The following FAM177A1 variants were observed in gnomAD, a reference collection of about 807,000 sequenced individuals.
FAM177A1 encodes family with sequence similarity 177 member A1, also known as protein FAM177A1.
In FAM177A1, 22 loss-of-function variants were observed where a neutral mutation model predicts 26.1. That is an observed-to-expected ratio of 0.84 (90% CI 0.60 to 1.20). The LOEUF is 1.20. FAM177A1 is among the 50% of genes most tolerant of loss of function. FAM177A1 has a pLI of 0.00. For synonymous variants in FAM177A1, 95 were observed against 99.3 expected (o/e 0.96, Z 0.26); for missense variants, 296 against 291.1 (o/e 1.02, Z -0.12).
intron 2 of FAM177A1, among the ~76,000 whole-genome samples, chr14:35,076,292 A>T (rs1430895694): frequency 3.3e-5 from 5 of 152,094 alleles, no homozygotes; most frequent in Non-Finnish European, 5.9e-5. Flanking sequence ...GTCCTTTGTA[A>T]GGACATGGAT....
At chr14:35,045,149 G>A (rs1414708260), upstream of FAM177A1, 1 of 152,042 alleles carries the variant, frequency 6.6e-6, no homozygotes, top group Non-Finnish European at 1.5e-5. Flanking sequence ...TGCTGTTTTG[G>A]ACTGTCTCAA....
At chr14:35,053,045 T>C (rs2044999618) in intron 1 of FAM177A1, among the ~76,000 whole-genome samples, 1 of 152,240 alleles carries the variant, frequency 6.6e-6, no homozygotes, top group African/African-American at 2.4e-5. Flanking sequence ...GATACAATGC[T>C]GATAATCTGC....
intron 2 of FAM177A1, among the ~76,000 whole-genome samples, chr14:35,074,423 T>G (rs979723144): frequency 2.6e-5 from 4 of 152,138 alleles, no homozygotes; most frequent in African/African-American, 9.7e-5. Flanking sequence ...CCTCCCAGAT[T>G]CAAGCGATTC....
At chr14:35,060,743 C>A (rs2045138699) in intron 2 of FAM177A1, among the ~76,000 whole-genome samples, 1 of 152,164 alleles carries the variant, frequency 6.6e-6, no homozygotes, top group South Asian at 2.1e-4. Flanking sequence ...CTCCCAGTTA[C>A]AGTAGTCCCC....
At chr14:35,047,467 G>A (rs2044886784) in intron 1 of FAM177A1, among the ~76,000 whole-genome samples, 1 of 152,150 alleles carries the variant, frequency 6.6e-6, no homozygotes, top group Non-Finnish European at 1.5e-5. Context: ...GAGAGTTAAC[G>A]TTTCTTGCAA....
chr14:35,063,002 C>T (rs558619370), intron 2 of FAM177A1, among the ~76,000 whole-genome samples: 19 of 145,796 alleles, frequency 1.3e-4, no homozygotes, highest in Admixed American at 3.5e-4. Flanking sequence ...AAAAAAAGGT[C>T]GGGTGCGGTG....
At chr14:35,065,958 T>G (rs1214390215) in intron 2 of FAM177A1, among the ~76,000 whole-genome samples, 1 of 152,092 alleles carries the variant, frequency 6.6e-6, no homozygotes, top group Non-Finnish European at 1.5e-5. Flanking sequence ...CACCTTGGCC[T>G]CCCAAAGTGC....
chr14:35,077,768 C>T (rs1016633919), intron 3 of FAM177A1, among the ~76,000 whole-genome samples: 4 of 152,120 alleles, frequency 2.6e-5, no homozygotes, highest in Non-Finnish European at 5.9e-5. Flanking sequence ...AGGCGTGAGC[C>T]ACCGCGCCCG....
intron 2 of FAM177A1, among the ~76,000 whole-genome samples, chr14:35,058,442 C>T (rs2045096748): frequency 1.3e-5 from 2 of 152,154 alleles, no homozygotes; most frequent in South Asian, 4.1e-4. Context: ...CTCTTTCTGT[C>T]AGATTTGTTT....
chr14:35,060,840 T>C (rs1048483341), intron 2 of FAM177A1, among the ~76,000 whole-genome samples: 13 of 152,170 alleles, frequency 8.5e-5, no homozygotes, highest in African/African-American at 2.4e-5. Flanking sequence ...AAATAAACAA[T>C]TGATAAATTT....
At chr14:35,074,623 G>A (rs1210809574) in intron 2 of FAM177A1, among the ~76,000 whole-genome samples, 2 of 151,460 alleles carry the variant, frequency 1.3e-5, no homozygotes, top group Non-Finnish European at 2.9e-5. Context: ...ACTGCGCCCC[G>A]CCCCATCCAC....
In FAM177A1 at chr14:35,083,315, GTTA is replaced by G. The variant is rs1214678299; in HGVS notation, c.*2090_*2092del. On this transcript the variant is annotated 3_prime_UTR_variant, in exon 5 of 5. Coordinates refer to ENST00000280987, the MANE Select transcript of FAM177A1 (RefSeq NM_173607.5). Reference sequence around the variant, plus strand: ...TGGCTAGTTTATGTTTATCAATATAGTTATTCACTGTGCCTTAAGTTTATACTT... The same window carrying G: ...TGGCTAGTTTATGTTTATCAATATAGTTCACTGTGCCTTAAGTTTATACTT... 1.6e-4 allele frequency: 24 copies of G among 152,610 alleles called. No individual in the cohort carries two copies. Among genetic ancestry groups the G allele is most frequent in the African/African-American group, 5.3e-4 (22 of 41,438 alleles). The allele number at this position is 152,610 out of a possible 1,614,324, so 9.5% of individuals were successfully genotyped here. A position where few individuals can be genotyped will look rare whatever the true frequency, so the allele number is the denominator to read the frequency against.
chr14:35,046,270 C>T (rs1341720700), upstream of FAM177A1: 3 of 550,360 alleles, frequency 5.5e-6, no homozygotes, highest in African/African-American at 4.0e-5. Flanking sequence ...GTTGCGCCTC[C>T]CAGACTGCAG....
chr14:35,051,711 C>T (rs74243591), intron 1 of FAM177A1, among the ~76,000 whole-genome samples: 22,455 of 152,118 alleles, frequency 0.15, 2,043 homozygotes, highest in East Asian at 0.31. Context: ...CCACGGCTGG[C>T]CTGTTACCAA....
At chr14:35,080,998 C>T (rs180893734) in intron 4 of FAM177A1, 24 bp from the exon 5 acceptor site, 4 of 1,508,542 alleles carry the variant, frequency 2.7e-6, no homozygotes, top group South Asian at 2.4e-5. Context: ...TTCAACTATT[C>T]TTGATATTGC....
At chr14:35,046,718 C>T in intron 1 of FAM177A1, 90 bp downstream of exon 1, 8 of 1,434,324 alleles carry the variant, frequency 5.6e-6, no homozygotes, top group Non-Finnish European at 6.4e-6. Context: ...CGCGGCCGTC[C>T]TCCGAGCAGG....
intron 2 of FAM177A1, among the ~76,000 whole-genome samples, chr14:35,054,215 AAAAAC>A (rs942616033): frequency 7.9e-5 from 12 of 152,256 alleles, no homozygotes; most frequent in East Asian, 5.8e-4. Context: ...ACTCCATCTC[AAAAAC>A]AAAACAAAAC....
At chr14:35,059,691 G>A (rs932034889) in intron 2 of FAM177A1, among the ~76,000 whole-genome samples, 10 of 151,716 alleles carry the variant, frequency 6.6e-5, no homozygotes, top group Non-Finnish European at 1.2e-4. Context: ...ACGCCACCAC[G>A]TCCTGCTAAT....
At chr14:35,077,551 T>G (rs799492) in intron 3 of FAM177A1, among the ~76,000 whole-genome samples, 1 of 144,088 alleles carries the variant, frequency 6.9e-6, no homozygotes, top group South Asian at 2.3e-4. Context: ...GGCACAATCT[T>G]GGCTCACTGC....
Sources: gnomAD v4.1 joint callset for allele counts (sites outside exome capture counted in the v4.1 genomes callset) on GRCh38, gnomAD v4.1.1 for gene constraint, MANE v1.5 for transcripts, NCBI Gene and HGNC (gene_info 2026-07-23, HGNC 2026-07-21) for gene names.